The following C9 variants were observed in gnomAD, a reference collection of about 807,000 sequenced individuals.
C9 encodes the protein complement component C9.
A neutral mutation model predicts 65.4 loss-of-function variants in C9; 63 were observed. That is an observed-to-expected ratio of 0.96 (90% CI 0.79 to 1.19). The LOEUF (loss-of-function observed/expected upper bound fraction) is 1.19. C9 is among the 50% of genes most tolerant of loss of function. The probability of loss-of-function intolerance (pLI) is 0.00; values close to 1 mark genes in which losing one functional copy is unlikely to be tolerated. For missense variants in C9, 744 were observed against 670.1 expected (o/e 1.11, Z -1.22); for synonymous variants, 229 against 227.9 (o/e 1.00, Z -0.04).
chr5:39,321,981 A>G (rs1753673825), intron 5 of C9, among the ~76,000 whole-genome samples: 1 of 152,058 alleles, frequency 6.6e-6, no homozygotes, highest in African/African-American at 2.4e-5. Flanking sequence ...TTGGAACTGA[A>G]CTACTCTTTA....
At chr5:39,302,971 A>G (rs1224491416) in intron 9 of C9, among the ~76,000 whole-genome samples, 2 of 152,188 alleles carry the variant, frequency 1.3e-5, no homozygotes, top group African/African-American at 4.8e-5. Flanking sequence ...ACCTTTTAGT[A>G]AATAAAACAG....
intron 1 of C9, among the ~76,000 whole-genome samples, chr5:39,354,940 C>T (rs1166270982): frequency 6.6e-6 from 1 of 152,166 alleles, no homozygotes; most frequent in Admixed American, 6.5e-5. Flanking sequence ...TCATTGGTTT[C>T]AGGAATTGCT....
chr5:39,308,503 G>T, intron 7 of C9, 145 bp from the exon 8 acceptor site: 1 of 688,428 alleles, frequency 1.5e-6, no homozygotes, highest in South Asian at 1.6e-5. Context: ...TGTCTGTCCT[G>T]CTTTGTCCTC....
At chr5:39,295,770 C>T (rs533707569) in intron 9 of C9, among the ~76,000 whole-genome samples, 3 of 151,640 alleles carry the variant, frequency 2.0e-5, no homozygotes, top group Admixed American at 6.6e-5. Context: ...ATCGCATTAT[C>T]GGATCTCGAA....
chr5:39,304,635 TA>T (rs1753341532), intron 9 of C9, among the ~76,000 whole-genome samples: 1 of 152,160 alleles, frequency 6.6e-6, no homozygotes, highest in South Asian at 2.1e-4. Context: ...TACAAGAAGA[TA>T]AATTTAAAAA....
chr5:39,289,616 T>C (rs1056536901), intron 9 of C9, among the ~76,000 whole-genome samples: 14 of 151,788 alleles, frequency 9.2e-5, no homozygotes, highest in African/African-American at 2.7e-4. Context: ...TTTTGGGAGA[T>C]AGAAGGACCT....
intron 6 of C9, among the ~76,000 whole-genome samples, chr5:39,312,854 T>C (rs766857511): frequency 1.8e-4 from 27 of 152,234 alleles, no homozygotes; most frequent in Admixed American, 8.5e-4. Context: ...AAGCACATTG[T>C]TGTCATCATG....
chr5:39,306,489 G>A lies in C9; in HGVS notation c.1416+128C>T. ...TTCTCTATGCCATGCCTCCTTTTGG[G>A]GAAGAAATGGGAGTGTATCTGAATG... On this transcript the variant is annotated intron_variant, in intron 9 of 10. Transcript: ENST00000263408. 4 of 777,084 alleles carry A rather than the reference G, an allele frequency of 5.1e-6. No homozygotes were observed. In the East Asian group the frequency reaches 7.9e-5, roughly 15 times the overall value. 48.1% of individuals were successfully genotyped at this position (777,084 alleles called of 1,614,324 possible).
At chr5:39,305,533 T>C (rs1177842239) in intron 9 of C9, among the ~76,000 whole-genome samples, 2 of 151,910 alleles carry the variant, frequency 1.3e-5, no homozygotes, top group African/African-American at 4.8e-5. Flanking sequence ...GGAAAGCAAA[T>C]TGTAAAACAT....
intron 9 of C9, 54 bp from the exon 10 acceptor site, chr5:39,289,005 T>C (rs545111776): frequency 3.1e-5 from 29 of 921,150 alleles, no homozygotes; most frequent in African/African-American, 2.8e-4. Context: ...AGAGAACTTG[T>C]AGAATACACT....
intron 1 of C9, among the ~76,000 whole-genome samples, chr5:39,343,219 C>A (rs1216715001): frequency 6.6e-6 from 1 of 152,188 alleles, no homozygotes; most frequent in Non-Finnish European, 1.5e-5. Flanking sequence ...TGTGCTGAAG[C>A]AGGGCAAGGC....
At chr5:39,296,052 G>T (rs1392010402) in intron 9 of C9, among the ~76,000 whole-genome samples, 1 of 151,534 alleles carries the variant, frequency 6.6e-6, no homozygotes, top group South Asian at 2.1e-4. Context: ...ATACTTTATT[G>T]TAAGACCTAA....
intron 5 of C9, among the ~76,000 whole-genome samples, chr5:39,323,139 C>A (rs536739974): frequency 6.6e-6 from 1 of 151,910 alleles, no homozygotes; most frequent in East Asian, 1.9e-4. Flanking sequence ...AAATGCAGAC[C>A]AATAATGATT....
intron 9 of C9, among the ~76,000 whole-genome samples, chr5:39,305,146 T>C (rs1561336066): frequency 1.3e-5 from 2 of 152,140 alleles, no homozygotes; most frequent in Non-Finnish European, 2.9e-5. Context: ...TTCAAGATAA[T>C]GAATTTGTGT....
At chr5:39,322,868 T>C (rs1357506138) in intron 5 of C9, among the ~76,000 whole-genome samples, 1 of 152,134 alleles carries the variant, frequency 6.6e-6, no homozygotes, top group Non-Finnish European at 1.5e-5. Flanking sequence ...ATTTAAATTA[T>C]ACTGGAGGCT....
At position 39,341,210 on chromosome 5, in the gene C9, G is replaced by A. The variant is rs1413214753; in HGVS notation, c.412C>T (p.Pro138Ser). ...FSDEDDCESE[P>S]RPPCRDRVVE... ...ACTCTGTCTCTGCAGGGGGGACGGG[G>A]CTCACTTTCACAATCATCCTCATCT... The change falls in exon 4 of 11, where the codon CCC becomes TCC. Residue 138 changes from proline to serine, a missense_variant. Transcript: ENST00000263408. The A allele has an allele frequency of 6.2e-7, 1 of 1,614,104 alleles. No homozygotes were observed. The highest frequency in any genetic ancestry group is 8.5e-7 in the Non-Finnish European group (1 of 1,179,992).
At chr5:39,342,747 T>G (rs1754113272) in intron 1 of C9, among the ~76,000 whole-genome samples, 3 of 152,170 alleles carry the variant, frequency 2.0e-5, no homozygotes, top group Admixed American at 1.3e-4. Flanking sequence ...GCCTTGCCAC[T>G]TCACACTTCA....
intron 9 of C9, among the ~76,000 whole-genome samples, chr5:39,306,088 G>A (rs1366956184): frequency 2.7e-5 from 4 of 150,714 alleles, no homozygotes; most frequent in Admixed American, 2.0e-4. Context: ...ACTTGAACTC[G>A]GAAGGCGGAG....
rs1753345488 is a variant in C9, at chr5:39,304,853, CA to C, written c.1416+1763del. On this transcript the variant is annotated intron_variant, in intron 9 of 10. Coordinates refer to ENST00000263408, the MANE Select transcript of C9 (RefSeq NM_001737.5). Reference sequence around the variant, plus strand: ...CATCCATACAGCAGGACTGCACCAACAAAGTTGATGAGGGTCTTTGAATAGT... The same window carrying C: ...CATCCATACAGCAGGACTGCACCAACAAGTTGATGAGGGTCTTTGAATAGT... 2.6e-5 allele frequency among the ~76,000 whole-genome samples: 4 copies of C among 152,244 alleles called. No homozygotes were observed. The South Asian group carries it at 8.3e-4, about 32-fold the overall frequency.
Sources: gnomAD v4.1 joint callset for allele counts (sites outside exome capture counted in the v4.1 genomes callset) on GRCh38, gnomAD v4.1.1 for gene constraint, MANE v1.5 for transcripts, NCBI Gene and HGNC (gene_info 2026-07-23, HGNC 2026-07-21) for gene names.